The following SRL variants were observed in gnomAD, a reference collection of about 807,000 sequenced individuals.
The protein encoded by SRL is sarcalumenin.
SRL carries 23 observed loss-of-function variants against 39.5 expected under a neutral mutation model. The ratio of observed to expected loss-of-function variants is 0.58; its 90% CI spans 0.42 to 0.82. The LOEUF is 0.82. SRL is among the 40% of genes least tolerant of loss of function. SRL has a pLI of 0.00. For synonymous variants in SRL, 272 were observed against 237.4 expected (o/e 1.15, Z -1.34); for missense variants, 592 against 607.8 (o/e 0.97, Z 0.27).
At chr16:4,207,484 C>T in intron 1 of SRL, 1 of 456,786 alleles carries the variant, frequency 2.2e-6, no homozygotes, top group South Asian at 1.5e-5. Flanking sequence ...CCAGGGCTGC[C>T]CTCGGCCTCT....
Position 4,242,016 on chromosome 16 carries a change from C to T in SRL, c.52G>A (p.Gly18Arg). 6.2e-7 allele frequency: 1 copy of T among 1,613,712 alleles called. No individual in the cohort carries two copies. The highest frequency in any genetic ancestry group is 2.2e-5 in the East Asian group (1 of 44,878). ...GCLLASLLFSGQAEETEDANE... is the reference protein window; with the variant it reads ...GCLLASLLFSRQAEETEDANE... Reference sequence around the variant, plus strand: ...CTGGGAGGGGCCCTACCTGCTTGTCCTGAGAACAGGAGCGAGGCCAGGAGG... The same window carrying T: ...CTGGGAGGGGCCCTACCTGCTTGTCTTGAGAACAGGAGCGAGGCCAGGAGG... The change falls in exon 1 of 6, where the codon GGA (glycine) becomes AGA (arginine). Residue 18 changes from glycine (G) to arginine (R), a missense_variant. By Grantham distance (125) the Gly-to-Arg change is moderately radical (BLOSUM62 -2). Coordinates refer to ENST00000399609, the MANE Select transcript of SRL (RefSeq NM_001098814.2).
chr16:4,235,407 C>T (rs1487417614), intron 1 of SRL, among the ~76,000 whole-genome samples: 1 of 152,158 alleles, frequency 6.6e-6, no homozygotes, highest in African/African-American at 2.4e-5. Context: ...GAATGAAAAC[C>T]AAAGTCAGCT....
chr16:4,210,486 C>CTTTTTT (rs555999418), intron 1 of SRL, among the ~76,000 whole-genome samples: 4,051 of 103,862 alleles, frequency 0.039, 538 homozygotes, highest in African/African-American at 0.11. Flanking sequence ...TTACTCATAT[C>CTTTTTT]TTTTTTTTTT....
At chr16:4,213,083 T>A (rs1420696287) in intron 1 of SRL, among the ~76,000 whole-genome samples, 1 of 152,042 alleles carries the variant, frequency 6.6e-6, no homozygotes, top group East Asian at 1.9e-4. Flanking sequence ...ATATGAACCT[T>A]AGTCTGGAGT....
At chr16:4,235,077 G>T (rs736836) in intron 1 of SRL, among the ~76,000 whole-genome samples, 5 of 151,972 alleles carry the variant, frequency 3.3e-5, no homozygotes, top group South Asian at 2.1e-4. Context: ...AGGGACAGGG[G>T]TCGGAGCAGG....
chr16:4,210,582 C>T (rs2052381531), intron 1 of SRL, among the ~76,000 whole-genome samples: 2 of 150,536 alleles, frequency 1.3e-5, no homozygotes, highest in Non-Finnish European at 3.0e-5. Flanking sequence ...TCTCCACCTC[C>T]CGGGTTCAAG....
chr16:4,204,045 C>T (rs1334014409), intron 2 of SRL, among the ~76,000 whole-genome samples: 1 of 152,248 alleles, frequency 6.6e-6, no homozygotes, highest in East Asian at 1.9e-4. Context: ...GACTCTACCC[C>T]TCGATCCGCC....
At chr16:4,198,043 G>T (rs760241200) in intron 3 of SRL, 128 bp from the exon 4 acceptor site, 162 of 688,938 alleles carry the variant, frequency 2.4e-4, no homozygotes, top group Non-Finnish European at 3.6e-4. Context: ...AATCAGACGT[G>T]TGTAGCCCCC....
chr16:4,234,964 C>G (rs1300399523), intron 1 of SRL, among the ~76,000 whole-genome samples: 4 of 152,210 alleles, frequency 2.6e-5, no homozygotes, highest in Admixed American at 2.6e-4. Context: ...TCTGAATCCT[C>G]TGAAACACAG....
At chr16:4,213,143 G>T (rs1327174206) in intron 1 of SRL, among the ~76,000 whole-genome samples, 1 of 152,112 alleles carries the variant, frequency 6.6e-6, no homozygotes, top group Non-Finnish European at 1.5e-5. Context: ...AAGTGCTAGG[G>T]TTCCATAGAA....
chr16:4,231,217 G>A (rs898275017), intron 1 of SRL, among the ~76,000 whole-genome samples: 1 of 152,184 alleles, frequency 6.6e-6, no homozygotes, highest in African/African-American at 2.4e-5. Flanking sequence ...TTGGGAGGCT[G>A]TGGTGGGAGG....
chr16:4,237,936 A>G lies in SRL; in HGVS notation c.61+4071T>C, dbSNP rs144402958. On this transcript the variant is annotated intron_variant, in intron 1 of 5. Coordinates refer to ENST00000399609, the MANE Select transcript of SRL (RefSeq NM_001098814.2). ...CCCCAGTGACACTGATGTGTGTCCC[A>G]TTTGACTAGATTCAGCTACGTGCAA... 4.0e-3 allele frequency among the ~76,000 whole-genome samples: 608 copies of G among 152,152 alleles called. 5 individuals are homozygous for G. The highest frequency in any genetic ancestry group is 0.014 in the African/African-American group (583 of 41,502).
intron 4 of SRL, among the ~76,000 whole-genome samples, chr16:4,196,471 CTTTTTTT>C (rs35980213): frequency 7.3e-5 from 9 of 123,746 alleles, no homozygotes; most frequent in Non-Finnish European, 1.3e-4. Context: ...ATTTTGCCTT[CTTTTTTT>C]TTTTTTTTTT....
Position 4,230,547 on chromosome 16 carries a change from AT to A in SRL, c.61+11459del, listed in dbSNP as rs555911990. On this transcript the variant is annotated intron_variant, in intron 1 of 5. Transcript: ENST00000399609. The stretch of plus-strand genomic sequence containing the variant: ...AGGCGGGCACCACTATGACTGGCTA[AT>A]TTTTTTTTTTTTGTATCTTTAGTAG... Among the ~76,000 whole-genome samples, 1,386 of 144,156 alleles carry A rather than the reference AT, an allele frequency of 9.6e-3. 18 individuals are homozygous for A. Among genetic ancestry groups the A allele is most frequent in the Admixed American group, 0.044 (632 of 14,374 alleles). 94.6% of individuals were successfully genotyped at this position (144,156 alleles called of 152,430 possible).
At chr16:4,233,015 C>T (rs920372645) in intron 1 of SRL, among the ~76,000 whole-genome samples, 2 of 152,232 alleles carry the variant, frequency 1.3e-5, no homozygotes, top group South Asian at 2.1e-4. Flanking sequence ...TTGTCTGCAC[C>T]TGTTTGAGCT....
In SRL at chr16:4,192,392, G is replaced by A; in HGVS notation, c.1183C>T (p.Leu395Phe). Residue 395 changes from leucine to phenylalanine, a missense_variant, in exon 6 of 6, where the codon CTT becomes TTT. Leu to Phe is a conservative substitution (Grantham distance 22). Coordinates refer to ENST00000399609, the MANE Select transcript of SRL (RefSeq NM_001098814.2). This position sits in a 1 kb window ranked among gnomAD's most constrained non-coding sequence, Gnocchi z 4.0. ...TCCTTATAGGCCTCGCGGTTGGGAAGGTCAAATTTGCTGACATTGGTCTTT... is the reference window on the plus strand; with the variant it reads ...TCCTTATAGGCCTCGCGGTTGGGAAAGTCAAATTTGCTGACATTGGTCTTT... Reference protein sequence around the residue: ...LAKTNVSKFDLPNREAYKDFF... With the variant: ...LAKTNVSKFDFPNREAYKDFF... 6.2e-7 allele frequency: 1 copy of A among 1,614,192 alleles called. No individual in the cohort carries two copies. Among genetic ancestry groups the A allele is most frequent in the East Asian group, 2.2e-5 (1 of 44,886 alleles).
chr16:4,192,543 G>A lies in SRL; in HGVS notation c.1032C>T (p.Ala344=). The A allele has an allele frequency of 6.2e-7, 1 of 1,614,174 alleles. No homozygotes were observed. Among genetic ancestry groups the A allele is most frequent in the Middle Eastern group, 1.6e-4 (1 of 6,062 alleles). The part of the protein sequence containing the change: ...RQHAIRVRIH[A]LLVDRYLQTY... ...TCTGCAGGTAGCGGTCAACCAGGAG[G>A]GCGTGGATGCGGACCCGGATGGCGT... The change falls in exon 6 of 6, where the codon GCC becomes GCT. Residue 344 remains alanine (A), a synonymous_variant. Coordinates refer to ENST00000399609, the MANE Select transcript of SRL (RefSeq NM_001098814.2). The surrounding 1 kb of genome is among the most constrained non-coding windows in gnomAD (Gnocchi z 4.0).
chr16:4,233,594 G>A (rs759842411), intron 1 of SRL, among the ~76,000 whole-genome samples: 7 of 151,768 alleles, frequency 4.6e-5, no homozygotes, highest in South Asian at 2.1e-4. Context: ...TTTTCAGTGC[G>A]TGTCATCTCC....
chr16:4,236,307 A>G (rs1179437291), intron 1 of SRL, among the ~76,000 whole-genome samples: 1 of 152,078 alleles, frequency 6.6e-6, no homozygotes, highest in South Asian at 2.1e-4. Flanking sequence ...CATCTCTGTG[A>G]TATTTAATCC....
Sources: gnomAD v4.1 joint callset for allele counts (sites outside exome capture counted in the v4.1 genomes callset) on GRCh38, gnomAD v4.1.1 for gene constraint, Gnocchi (gnomAD v3.1) non-coding constraint, MANE v1.5 for transcripts, NCBI Gene and HGNC (gene_info 2026-07-23, HGNC 2026-07-21) for gene names.